The following MTSS1 variants were observed in gnomAD, a reference collection of about 807,000 sequenced individuals.
MTSS1 encodes the protein MTSS I-BAR domain containing 1, also known as protein MTSS 1.
MTSS1 carries 18 observed loss-of-function variants against 79.0 expected under a neutral mutation model. The ratio of observed to expected loss-of-function variants is 0.23; its 90% CI spans 0.16 to 0.34. The LOEUF (loss-of-function observed/expected upper bound fraction) is 0.34, where lower values mean the gene tolerates loss of function less well. Ranked by LOEUF, MTSS1 falls within the 10% of genes least tolerant of loss-of-function variation. The pLI is 1.00. For synonymous variants in MTSS1, 341 were observed against 368.6 expected, an observed-to-expected ratio of 0.93 and a Z score of 0.86; for missense variants, 815 against 986.2, an observed-to-expected ratio of 0.83 and a Z score of 2.33.
chr8:124,614,191 G>A lies in MTSS1; in HGVS notation c.209-22956C>T, dbSNP rs577748298. Among the ~76,000 whole-genome samples the A allele has an allele frequency of 2.3e-4, 34 of 149,618 alleles. No homozygotes were observed. In the South Asian group the frequency reaches 2.3e-3, roughly 10 times the overall value. On this transcript the variant is annotated intron_variant, in intron 3 of 13. Coordinates refer to ENST00000518547, the MANE Select transcript of MTSS1 (RefSeq NM_014751.6). ...AAAAAAAAAAAAAAAAAAAGGGTAG[G>A]AATATAGCAAGAGGTGGTAGCAAAG... is the stretch of plus-strand genomic sequence containing the variant.
At chr8:124,701,791 C>T (rs1343482125) in intron 2 of MTSS1, among the ~76,000 whole-genome samples, 1 of 152,144 alleles carries the variant, frequency 6.6e-6, no homozygotes, top group African/African-American at 2.4e-5. Context: ...TTTGATGGGG[C>T]AGAGCAAACT....
chr8:124,562,645 T>C, intron 10 of MTSS1, 137 bp downstream of exon 10: 1 of 835,390 alleles, frequency 1.2e-6, no homozygotes, highest in Non-Finnish European at 1.9e-6. Flanking sequence ...CATCTAAAGA[T>C]GAGAAATTAA....
chr8:124,645,020 G>A (rs990043049), intron 3 of MTSS1, among the ~76,000 whole-genome samples: 1 of 152,120 alleles, frequency 6.6e-6, no homozygotes, highest in African/African-American at 2.4e-5. Context: ...TGTAGAGAAG[G>A]ACATTTCTGT....
chr8:124,596,141 G>C (rs1832717463), intron 3 of MTSS1, among the ~76,000 whole-genome samples: 2 of 152,138 alleles, frequency 1.3e-5, no homozygotes, highest in South Asian at 4.1e-4. Flanking sequence ...ACCCGAACCT[G>C]CTCTTCCTCT....
At chr8:124,567,920 T>C in intron 7 of MTSS1, 11 of 1,411,520 alleles carry the variant, frequency 7.8e-6, no homozygotes, top group South Asian at 4.8e-5. Context: ...AATTGATTCA[T>C]TGAGGCTCTT....
At chr8:124,599,748 C>T (rs1357612822) in intron 3 of MTSS1, among the ~76,000 whole-genome samples, 1 of 152,066 alleles carries the variant, frequency 6.6e-6, no homozygotes, top group Non-Finnish European at 1.5e-5. Context: ...CAGCTGTATT[C>T]CCATCTGTCT....
rs180682304 is a variant in MTSS1, at chr8:124,572,809, T to C, written c.461-4273A>G. On this transcript the variant is annotated intron_variant, in intron 6 of 13. Transcript: ENST00000518547. ...CCAGGCTGGATGGAGTGCAGTGGCG[T>C]GATCTCAGCTCACTGCAACCTCCGC... 4.8e-3 allele frequency among the ~76,000 whole-genome samples: 722 copies of C among 149,884 alleles called. 5 individuals are homozygous for C. The highest frequency in any genetic ancestry group is 0.017 in the African/African-American group (680 of 40,470).
At position 124,716,744 on chromosome 8, in the gene MTSS1, C is replaced by T. The variant is rs372234389; in HGVS notation, c.72+11140G>A. Among the ~76,000 whole-genome samples the T allele has an allele frequency of 3.4e-4, 52 of 152,222 alleles. No homozygotes were observed. The East Asian group carries it at 7.7e-3, about 23-fold the overall frequency. On this transcript the variant is annotated intron_variant, in intron 1 of 13. Transcript: ENST00000518547. ...ATAAGATGCCACATGTCCCTTTGCG[C>T]CCTTGGAAGCAGGGGTGCCAGCTAG... is the stretch of plus-strand genomic sequence containing the variant.
chr8:124,727,730 G>C lies in MTSS1; in HGVS notation c.72+154C>G. On this transcript the variant is annotated intron_variant, in intron 1 of 13. Coordinates refer to ENST00000518547, the MANE Select transcript of MTSS1 (RefSeq NM_014751.6). This position sits in a 1 kb window ranked among gnomAD's most constrained non-coding sequence, Gnocchi z 4.7. ...CGCAGAGCCCGGAGCAGCGCCCCGGGTGAGCAGGTGACACTCCGGCCGGGA... is the reference window on the plus strand; with the variant it reads ...CGCAGAGCCCGGAGCAGCGCCCCGGCTGAGCAGGTGACACTCCGGCCGGGA... 1.4e-6 allele frequency: 1 copy of C among 690,144 alleles called. No individual in the cohort carries two copies. The highest frequency in any genetic ancestry group is 2.5e-6 in the Non-Finnish European group (1 of 398,130). 42.8% of individuals were successfully genotyped at this position (690,144 alleles called of 1,614,324 possible). A position where few individuals can be genotyped will look rare whatever the true frequency, so the allele number is the denominator to read the frequency against.
At chr8:124,631,670 G>T (rs1364143393) in intron 3 of MTSS1, among the ~76,000 whole-genome samples, 1 of 152,202 alleles carries the variant, frequency 6.6e-6, no homozygotes, top group Non-Finnish European at 1.5e-5. Context: ...TTCAGGTTCT[G>T]ACTATGAAAG....
At chr8:124,650,910 A>C (rs1346092294) in intron 3 of MTSS1, among the ~76,000 whole-genome samples, 4 of 152,228 alleles carry the variant, frequency 2.6e-5, no homozygotes, top group Non-Finnish European at 5.9e-5. Flanking sequence ...GTTGACCTTG[A>C]GGACATCAGT....
At chr8:124,629,126 G>A (rs1387236059) in intron 3 of MTSS1, among the ~76,000 whole-genome samples, 1 of 152,156 alleles carries the variant, frequency 6.6e-6, no homozygotes, top group African/African-American at 2.4e-5. Context: ...ACAGCCCTGT[G>A]CATAAGCACT....
At chr8:124,668,208 A>G (rs1344251239) in intron 3 of MTSS1, among the ~76,000 whole-genome samples, 1 of 152,214 alleles carries the variant, frequency 6.6e-6, no homozygotes, top group East Asian at 1.9e-4. Flanking sequence ...TGTGGGCTGT[A>G]GGAAGGTGGT....
chr8:124,609,017 A>G (rs62530669), intron 3 of MTSS1, among the ~76,000 whole-genome samples: 48,952 of 152,124 alleles, frequency 0.32, 10,553 homozygotes, highest in African/African-American at 0.61. Flanking sequence ...CCCAGAAGAT[A>G]CTGACTTGCT....
At chr8:124,721,160 C>T (rs1832857474) in intron 1 of MTSS1, among the ~76,000 whole-genome samples, 1 of 152,018 alleles carries the variant, frequency 6.6e-6, no homozygotes, top group South Asian at 2.1e-4. Context: ...AGCTACTAGC[C>T]ATACACGGCT....
chr8:124,631,456 T>A (rs780033207), intron 3 of MTSS1, among the ~76,000 whole-genome samples: 2 of 152,224 alleles, frequency 1.3e-5, no homozygotes, highest in African/African-American at 2.4e-5. Flanking sequence ...TCAGACCCTG[T>A]CCTGGCCCGC....
chr8:124,565,105 G>A (rs1279167402), intron 9 of MTSS1, among the ~76,000 whole-genome samples: 2 of 152,234 alleles, frequency 1.3e-5, no homozygotes, highest in Non-Finnish European at 1.5e-5. Flanking sequence ...GCAGATGGCA[G>A]AACTATTCCA....
chr8:124,695,158 A>G (rs1828584516), intron 3 of MTSS1, among the ~76,000 whole-genome samples: 2 of 152,342 alleles, frequency 1.3e-5, no homozygotes, highest in South Asian at 4.1e-4. Context: ...AGCTAGTGCA[A>G]AAGATTTCCT....
intron 1 of MTSS1, among the ~76,000 whole-genome samples, chr8:124,708,866 T>A (rs1040006372): frequency 6.8e-6 from 1 of 146,454 alleles, no homozygotes. Context: ...TATAATTTAA[T>A]AGATTCTAAA....
Sources: allele counts gnomAD v4.1 joint callset (sites outside exome capture counted in the v4.1 genomes callset), GRCh38; gene constraint gnomAD v4.1.1; non-coding constraint Gnocchi (gnomAD v3.1); transcripts MANE v1.5; gene names NCBI Gene and HGNC (gene_info 2026-07-23, HGNC 2026-07-21).